The following SORCS2 variants were observed in gnomAD, a reference collection of about 807,000 sequenced individuals.
SORCS2 encodes VPS10 domain-containing receptor SorCS2.
In SORCS2, 100 loss-of-function variants were observed where a neutral mutation model predicts 141.6. The ratio of observed to expected loss-of-function variants is 0.71; its 90% CI spans 0.60 to 0.83. The LOEUF (loss-of-function observed/expected upper bound fraction) is 0.83, where lower values mean the gene tolerates loss of function less well. SORCS2 is among the 40% of genes least tolerant of loss of function. SORCS2 has a pLI of 0.00. For missense variants in SORCS2, 1,646 were observed against 1,560.2 expected (o/e 1.05, Z -0.93); for synonymous variants, 789 against 676.9 (o/e 1.17, Z -2.57).
intron 2 of SORCS2, among the ~76,000 whole-genome samples, chr4:7,525,450 A>AC (rs1450889469): frequency 1.3e-5 from 2 of 151,688 alleles, no homozygotes; most frequent in Admixed American, 6.6e-5. Context: ...ATGAGCCCAG[A>AC]CCCCCCAACC....
intron 2 of SORCS2, among the ~76,000 whole-genome samples, chr4:7,439,635 G>A (rs1180135459): frequency 6.6e-6 from 1 of 152,172 alleles, no homozygotes; most frequent in African/African-American, 2.4e-5. Flanking sequence ...CCTCGCATTG[G>A]TGGAGTTGAA....
chr4:7,337,623 G>C (rs556129521), intron 1 of SORCS2, among the ~76,000 whole-genome samples: 7 of 152,322 alleles, frequency 4.6e-5, no homozygotes, highest in African/African-American at 1.7e-4. Context: ...CGGCCAGAGG[G>C]TTGGATGTTG....
intron 14 of SORCS2, among the ~76,000 whole-genome samples, chr4:7,705,180 G>A (rs1725350005): frequency 1.3e-5 from 2 of 152,130 alleles, no homozygotes; most frequent in Non-Finnish European, 2.9e-5. Context: ...GAGGAGGCCG[G>A]GGAGGGAGGA....
chr4:7,461,246 CT>C (rs1560304189), intron 2 of SORCS2, among the ~76,000 whole-genome samples: 1 of 152,262 alleles, frequency 6.6e-6, no homozygotes, highest in Non-Finnish European at 1.5e-5. Flanking sequence ...ACAGGACTTG[CT>C]TCCATCTCTG....
At chr4:7,460,279 C>T (rs1192626787) in intron 2 of SORCS2, among the ~76,000 whole-genome samples, 1 of 152,260 alleles carries the variant, frequency 6.6e-6, no homozygotes, top group Admixed American at 6.5e-5. Context: ...CCCCAGAGGA[C>T]ATGGTCCCCG....
chr4:7,456,682 T>C (rs1212217095), intron 2 of SORCS2, among the ~76,000 whole-genome samples: 1 of 152,136 alleles, frequency 6.6e-6, no homozygotes, highest in African/African-American at 2.4e-5. Context: ...GGATTTTTGC[T>C]CTGGGCACAG....
rs770761643 is a variant in SORCS2 at position 7,674,128 on chromosome 4, C to T, written c.1162-1922C>T. 1.4e-4 allele frequency among the ~76,000 whole-genome samples: 22 copies of T among 152,110 alleles called. 1 individual carries two copies. The highest frequency in any genetic ancestry group is 1.2e-3 in the Admixed American group (18 of 15,282). ...CATGGTCCCACTTCACACATGGGGA[C>T]GGCCAGGCTCTGGCACCCTGCCCCA... On this transcript the variant is annotated intron_variant, in intron 8 of 26. Transcript: ENST00000507866.
intron 2 of SORCS2, among the ~76,000 whole-genome samples, chr4:7,470,765 C>A (rs1729928764): frequency 6.6e-6 from 1 of 152,236 alleles, no homozygotes. Context: ...CTGCATGGAG[C>A]CCACAAGGCA....
chr4:7,515,479 T>C (rs1732914522), intron 2 of SORCS2, among the ~76,000 whole-genome samples: 2 of 152,140 alleles, frequency 1.3e-5, no homozygotes, highest in African/African-American at 4.8e-5. Flanking sequence ...GCCTTGGCCC[T>C]GGGCCCTCCC....
intron 2 of SORCS2, among the ~76,000 whole-genome samples, chr4:7,444,811 G>T (rs1372242238): frequency 6.6e-6 from 1 of 152,262 alleles, no homozygotes; most frequent in Non-Finnish European, 1.5e-5. Flanking sequence ...ACAGGCTGCA[G>T]ATTCAGCATC....
In SORCS2 at chr4:7,192,993, G is replaced by A. The variant is rs746580408; in HGVS notation, c.347G>A (p.Arg116His). ...GGCGCCCCCGCCGCGGGCTACCGGC[G>A]CTGGGAGCGGGCGGCGCCGCTGGCC... Reference protein sequence around the residue: ...EDGAPAAGYRRWERAAPLAGV... With the variant: ...EDGAPAAGYRHWERAAPLAGV... Residue 116 changes from arginine to histidine, a missense_variant, in exon 1 of 27, where the codon CGC becomes CAC. Coordinates refer to ENST00000507866, the MANE Select transcript of SORCS2 (RefSeq NM_020777.3). This position sits in a 1 kb window ranked among gnomAD's most constrained non-coding sequence, Gnocchi z 4.0. The A allele has an allele frequency of 1.4e-6, 2 of 1,444,884 alleles. 1 individual carries two copies. The highest frequency in any genetic ancestry group is 6.0e-5 in the East Asian group (2 of 33,216). 89.5% of individuals were successfully genotyped at this position (1,444,884 alleles called of 1,614,324 possible). A position where few individuals can be genotyped will look rare whatever the true frequency, so the allele number is the denominator to read the frequency against.
chr4:7,741,175 C>T lies in SORCS2; in HGVS notation c.*911C>T, dbSNP rs1454760846. The T allele has an allele frequency of 2.5e-6, 1 of 398,590 alleles. No individual in the cohort carries two copies. The highest frequency in any genetic ancestry group is 4.4e-6 in the Non-Finnish European group (1 of 226,128). 24.7% of individuals were successfully genotyped at this position (398,590 alleles called of 1,614,324 possible). On this transcript the variant is annotated 3_prime_UTR_variant, in exon 27 of 27. Coordinates refer to ENST00000507866, the MANE Select transcript of SORCS2 (RefSeq NM_020777.3). ...GGTGGTGGAGACGGCACCAGATGTA[C>T]CAGTTTTCTGCAGTTCCTTATAGGC... is the stretch of plus-strand genomic sequence containing the variant.
rs562931546 is a variant in SORCS2 at position 7,564,424 on chromosome 4, T to G, written c.648+32795T>G. Among the ~76,000 whole-genome samples the G allele has an allele frequency of 6.6e-5, 10 of 152,284 alleles. No homozygotes were observed. In the South Asian group the frequency reaches 1.9e-3, roughly 28 times the overall value. On this transcript the variant is annotated intron_variant, in intron 3 of 26. Coordinates refer to ENST00000507866, the MANE Select transcript of SORCS2 (RefSeq NM_020777.3). ...TGTCTCTGTGTCCAAATTTCCCCTTTCTGTAAGGACACTAGTCATGTTGGA... is the reference window on the plus strand; with the variant it reads ...TGTCTCTGTGTCCAAATTTCCCCTTGCTGTAAGGACACTAGTCATGTTGGA...
At chr4:7,492,853 G>A (rs946099198) in intron 2 of SORCS2, among the ~76,000 whole-genome samples, 3 of 152,240 alleles carry the variant, frequency 2.0e-5, no homozygotes, top group Admixed American at 6.5e-5. Flanking sequence ...CACCTGCGGA[G>A]CCTCTGACCC....
intron 1 of SORCS2, among the ~76,000 whole-genome samples, chr4:7,380,960 T>C (rs924784067): frequency 3.9e-5 from 6 of 151,958 alleles, no homozygotes; most frequent in Non-Finnish European, 5.9e-5. Context: ...CAGGTGCCTG[T>C]AGTCCCAGCT....
intron 1 of SORCS2, among the ~76,000 whole-genome samples, chr4:7,230,999 T>TATCC (rs1711834544): frequency 6.6e-6 from 1 of 151,320 alleles, no homozygotes; most frequent in African/African-American, 2.4e-5. Context: ...TATCTGTATC[T>TATCC]ATATCCATAT....
intron 3 of SORCS2, among the ~76,000 whole-genome samples, chr4:7,553,313 G>T (rs982146500): frequency 2.0e-5 from 3 of 149,606 alleles, no homozygotes; most frequent in African/African-American, 7.4e-5. Context: ...ATGAGAGGGG[G>T]GAAAAAAAAC....
At chr4:7,491,564 C>T (rs1731316325) in intron 2 of SORCS2, among the ~76,000 whole-genome samples, 1 of 152,248 alleles carries the variant, frequency 6.6e-6, no homozygotes, top group African/African-American at 2.4e-5. Context: ...TGGCTAGGAC[C>T]TCTCTGGATT....
At chr4:7,433,884 G>A (rs770133966) in intron 2 of SORCS2, 2 of 1,613,936 alleles carry the variant, frequency 1.2e-6, no homozygotes, top group South Asian at 1.1e-5. Flanking sequence ...ACTCCTTCGT[G>A]ATAGAGGCAG....
Sources: allele counts gnomAD v4.1 joint callset (sites outside exome capture counted in the v4.1 genomes callset), GRCh38; gene constraint gnomAD v4.1.1; non-coding constraint Gnocchi (gnomAD v3.1); transcripts MANE v1.5; gene names NCBI Gene and HGNC (gene_info 2026-07-23, HGNC 2026-07-21).